Variants in DOK7 observed in about 807,000 individuals in gnomAD.
DOK7 encodes protein Dok-7.
A neutral mutation model predicts 30.7 loss-of-function variants in DOK7; 32 were observed. That is an observed-to-expected ratio of 1.04 (90% confidence interval 0.79 to 1.40). DOK7 has a LOEUF of 1.40. Among genes scored for constraint, DOK7 ranks in the 40% most tolerant of loss-of-function variants. DOK7 has a pLI of 0.00. For synonymous variants in DOK7, 447 were observed against 324.1 expected (o/e 1.38, Z -4.07); for missense variants, 1,007 against 699.2 (o/e 1.44, Z -4.97).
intron 7 of DOK7, chr4:3,500,633 G>T: frequency 6.5e-7 from 1 of 1,534,954 alleles, no homozygotes; most frequent in Non-Finnish European, 8.7e-7. Context: ...GTGGAGGGCA[G>T]GGTCACAGGG....
At position 3,493,748 on chromosome 4, in the gene DOK7, G is replaced by A; in HGVS notation, c.*247G>A. ...AGGTCGGGGTCACCAGAGCCCCAAT[G>A]CTCAGCTGCTTCACTCCGTGTCCCC... On this transcript the variant is annotated 3_prime_UTR_variant, in exon 7 of 7. Transcript: ENST00000340083. The A allele has an allele frequency of 7.0e-6, 10 of 1,418,802 alleles. No individual in the cohort carries two copies. Among genetic ancestry groups the A allele is most frequent in the Non-Finnish European group, 9.2e-6 (10 of 1,090,844 alleles). 87.9% of individuals were successfully genotyped at this position (1,418,802 alleles called of 1,614,324 possible). A position where few individuals can be genotyped will look rare whatever the true frequency, so the allele number is the denominator to read the frequency against.
intron 6 of DOK7, among the ~76,000 whole-genome samples, chr4:3,492,490 A>C (rs1302031778): frequency 2.0e-5 from 3 of 151,580 alleles, no homozygotes; most frequent in African/African-American, 7.3e-5. Context: ...GGACCAAGGT[A>C]GTGGCAGGGG....
At chr4:3,479,820 A>G (rs1727329399) in intron 4 of DOK7, among the ~76,000 whole-genome samples, 1 of 152,164 alleles carries the variant, frequency 6.6e-6, no homozygotes, top group Non-Finnish European at 1.5e-5. Context: ...GCTTGGTGAC[A>G]GCAACCCCCG....
Position 3,473,716 on chromosome 4 carries a change from G to T in DOK7, c.331+80G>T, listed in dbSNP as rs1277501758. 3.0e-6 allele frequency: 4 copies of T among 1,339,352 alleles called. No homozygotes were observed. In the African/African-American group the frequency reaches 4.4e-5, roughly 15 times the overall value. The allele number at this position is 1,339,352 out of a possible 1,614,324, so 83.0% of individuals were successfully genotyped here. A position where few individuals can be genotyped will look rare whatever the true frequency, so the allele number is the denominator to read the frequency against. ...CCCCTCACCAACGTGGGCTGCAGAGGTGGGAGCGGCTCCAGGGAACCGTGC... is the reference window on the plus strand; with the variant it reads ...CCCCTCACCAACGTGGGCTGCAGAGTTGGGAGCGGCTCCAGGGAACCGTGC... On this transcript the variant is annotated intron_variant, in intron 3 of 6. Transcript: ENST00000340083.
chr4:3,482,629 G>C (rs1273484975), intron 4 of DOK7, among the ~76,000 whole-genome samples: 1 of 152,282 alleles, frequency 6.6e-6, no homozygotes, highest in Non-Finnish European at 1.5e-5. Flanking sequence ...AAACAGAGTG[G>C]CCGGCTTTGC....
chr4:3,464,716 C>A (rs147835136), intron 2 of DOK7, among the ~76,000 whole-genome samples: 2 of 152,186 alleles, frequency 1.3e-5, no homozygotes, highest in African/African-American at 4.8e-5. Flanking sequence ...GGAAGGCACC[C>A]GGGACAGCAG....
intron 4 of DOK7, among the ~76,000 whole-genome samples, chr4:3,481,294 G>A (rs1475852636): frequency 1.3e-5 from 2 of 152,158 alleles, no homozygotes; most frequent in Non-Finnish European, 2.9e-5. Context: ...GCTGGCAGGG[G>A]CCAGAGAAGG....
chr4:3,501,037 CT>C, exon 8 of DOK7: 1 of 740,632 alleles, frequency 1.4e-6, no homozygotes, highest in South Asian at 2.1e-5. Context: ...GGGGCTGACC[CT>C]TCGGCCTGAA....
At position 3,478,531 on chromosome 4, in the gene DOK7, G is replaced by A. The variant is rs540249887; in HGVS notation, c.532+1989G>A. Reference sequence around the variant, plus strand: ...CACAGAACCTGAAAACCTGCAAACCGGGCTGGCCCCACAGAACCCACAAAC... The same window carrying A: ...CACAGAACCTGAAAACCTGCAAACCAGGCTGGCCCCACAGAACCCACAAAC... On this transcript the variant is annotated intron_variant, in intron 4 of 6. Coordinates refer to ENST00000340083, the MANE Select transcript of DOK7 (RefSeq NM_173660.5). 9.1e-5 allele frequency among the ~76,000 whole-genome samples: 5 copies of A among 54,788 alleles called. No individual in the cohort carries two copies. The East Asian group carries it at 2.1e-3, about 23-fold the overall frequency. 35.9% of individuals were successfully genotyped at this position (54,788 alleles called of 152,430 possible). A position where few individuals can be genotyped will look rare whatever the true frequency, so the allele number is the denominator to read the frequency against.
chr4:3,469,958 G>A (rs1211562224), intron 2 of DOK7, among the ~76,000 whole-genome samples: 2 of 152,214 alleles, frequency 1.3e-5, no homozygotes, highest in Non-Finnish European at 2.9e-5. Context: ...AAATGAAATC[G>A]GTGGTTTGGG....
chr4:3,500,376 C>T, exon 7 of DOK7: 1 of 1,535,920 alleles, frequency 6.5e-7, no homozygotes, highest in African/African-American at 1.4e-5. Flanking sequence ...GGGCCTGGAG[C>T]TCCAGGAGGC....
intron 4 of DOK7, among the ~76,000 whole-genome samples, chr4:3,481,706 A>G (rs949353559): frequency 2.0e-5 from 3 of 152,146 alleles, no homozygotes; most frequent in African/African-American, 7.2e-5. Context: ...TTGTTCTCTG[A>G]GGAGCTGGGA....
rs912405950 is a variant in DOK7, at chr4:3,485,385, G to A, written c.533-154G>A. The A allele has an allele frequency of 7.8e-6, 8 of 1,030,434 alleles. No individual in the cohort carries two copies. The East Asian group carries it at 2.4e-4, about 31-fold the overall frequency. The allele number at this position is 1,030,434 out of a possible 1,614,324, so 63.8% of individuals were successfully genotyped here. On this transcript the variant is annotated intron_variant, in intron 4 of 6. Coordinates refer to ENST00000340083, the MANE Select transcript of DOK7 (RefSeq NM_173660.5). ...GCACCCGGATTCACGGGGCCAGGCG[G>A]GGTGTCGGCTCTGGGCATCTGACTT...
chr4:3,474,162 C>T (rs1726934335), intron 3 of DOK7, among the ~76,000 whole-genome samples: 3 of 152,090 alleles, frequency 2.0e-5, no homozygotes, highest in African/African-American at 4.8e-5. Flanking sequence ...CTGGGGGCCT[C>T]TGGGGGCTGA....
chr4:3,482,579 C>A (rs1459590726), intron 4 of DOK7, among the ~76,000 whole-genome samples: 1 of 152,268 alleles, frequency 6.6e-6, no homozygotes, highest in East Asian at 1.9e-4. Context: ...AGTGGACCAG[C>A]CTCTGGAGAA....
In DOK7 at chr4:3,489,895, T is replaced by TCTGCTCATTCATTCATTCCTTCTGTCTC. The variant is rs1436249517; in HGVS notation, c.772+114_772+141dup. 2.0e-5 allele frequency: 30 copies of TCTGCTCATTCATTCATTCCTTCTGTCTC among 1,480,128 alleles called. No homozygotes were observed. The South Asian group carries it at 3.0e-4, about 15-fold the overall frequency. 91.7% of individuals were successfully genotyped at this position (1,480,128 alleles called of 1,614,324 possible). On this transcript the variant is annotated intron_variant, in intron 6 of 6. Coordinates refer to ENST00000340083, the MANE Select transcript of DOK7 (RefSeq NM_173660.5). ...GCATGTGTGGGGGCTGCAGGCTCCCTCTGCTCATTCATTCATTCCTTCTGT... is the reference window on the plus strand; with the variant it reads ...GCATGTGTGGGGGCTGCAGGCTCCCTCTGCTCATTCATTCATTCCTTCTGTCTCCTGCTCATTCATTCATTCCTTCTGT...
intron 2 of DOK7, among the ~76,000 whole-genome samples, chr4:3,464,590 C>T (rs984777825): frequency 1.3e-5 from 2 of 152,122 alleles, no homozygotes; most frequent in Non-Finnish European, 2.9e-5. Context: ...CAGGCTGGGG[C>T]GGATGACAGG....
chr4:3,469,165 G>GTA (rs1726591000), intron 2 of DOK7, among the ~76,000 whole-genome samples: 2 of 151,456 alleles, frequency 1.3e-5, no homozygotes, highest in Non-Finnish European at 2.9e-5. Context: ...GAGTGTGCAT[G>GTA]TGTGTGTGTG....
At chr4:3,473,009 C>G (rs991912566) in intron 2 of DOK7, among the ~76,000 whole-genome samples, 1 of 152,174 alleles carries the variant, frequency 6.6e-6, no homozygotes, top group Admixed American at 6.5e-5. Context: ...AGAACCAGGG[C>G]AGGAGGCCAC....
Sources: gnomAD v4.1 joint callset for allele counts (sites outside exome capture counted in the v4.1 genomes callset) on GRCh38, gnomAD v4.1.1 for gene constraint, MANE v1.5 for transcripts, NCBI Gene and HGNC (gene_info 2026-07-23, HGNC 2026-07-21) for gene names.